The following AATF variants were observed in gnomAD, a reference collection of about 807,000 sequenced individuals.
The protein encoded by AATF is protein AATF.
In AATF, 48 loss-of-function variants were observed where a neutral mutation model predicts 63.7. The ratio of observed to expected loss-of-function variants is 0.75; its 90% CI spans 0.60 to 0.96. AATF has a LOEUF of 0.96. Ranked by LOEUF, AATF falls within the 40% of genes least tolerant of loss-of-function variation. The pLI is 0.00. For missense variants in AATF, 639 were observed against 685.7 expected, an observed-to-expected ratio of 0.93 and a Z score of 0.76; for synonymous variants, 258 against 247.7, an observed-to-expected ratio of 1.04 and a Z score of -0.39.
At chr17:37,000,150 G>C (rs1188658005) in intron 8 of AATF, 1 of 152,430 alleles carries the variant, frequency 6.6e-6, no homozygotes, top group Non-Finnish European at 1.5e-5. Context: ...CCAGTTAAAA[G>C]ACTCTAGTGA....
intron 11 of AATF, among the ~76,000 whole-genome samples, chr17:37,043,455 T>C (rs952677007): frequency 1.3e-5 from 2 of 152,300 alleles, no homozygotes; most frequent in Middle Eastern, 3.4e-3. Flanking sequence ...TGAGCTTTCT[T>C]CTTTGAACCC....
At chr17:37,030,510 T>C (rs879933016) in intron 10 of AATF, among the ~76,000 whole-genome samples, 1 of 152,214 alleles carries the variant, frequency 6.6e-6, no homozygotes, top group African/African-American at 2.4e-5. Flanking sequence ...CCCCTTTGAA[T>C]TATCTTTGGT....
At chr17:36,956,861 C>A (rs978913451) in intron 4 of AATF, among the ~76,000 whole-genome samples, 1 of 152,002 alleles carries the variant, frequency 6.6e-6, no homozygotes, top group Non-Finnish European at 1.5e-5. Context: ...CTTGTAGTCC[C>A]AGCTACTTGG....
At chr17:36,989,581 G>A (rs1029779264) in intron 7 of AATF, among the ~76,000 whole-genome samples, 170 bp downstream of exon 7, 2 of 152,152 alleles carry the variant, frequency 1.3e-5, no homozygotes, top group African/African-American at 4.8e-5. Flanking sequence ...AGAGGAGAGA[G>A]TTTTTAAAAA....
At chr17:37,026,698 A>G (rs1377240127) in intron 10 of AATF, among the ~76,000 whole-genome samples, 2 of 152,198 alleles carry the variant, frequency 1.3e-5, no homozygotes, top group Non-Finnish European at 2.9e-5. Flanking sequence ...GTTACATAGT[A>G]AGTAGCAAAC....
At chr17:37,023,965 A>G (rs1245791880) in intron 10 of AATF, among the ~76,000 whole-genome samples, 1 of 152,220 alleles carries the variant, frequency 6.6e-6, no homozygotes, top group Non-Finnish European at 1.5e-5. Context: ...TAGATTACTT[A>G]TAATACCTAG....
chr17:36,977,856 A>T (rs1174939150), intron 4 of AATF, among the ~76,000 whole-genome samples: 1 of 152,200 alleles, frequency 6.6e-6, no homozygotes, highest in Non-Finnish European at 1.5e-5. Flanking sequence ...CAGGTTGTCT[A>T]GGAACTGTGA....
intron 4 of AATF, among the ~76,000 whole-genome samples, chr17:36,973,077 G>T (rs1478237196): frequency 6.6e-6 from 1 of 152,144 alleles, no homozygotes; most frequent in Admixed American, 6.5e-5. Context: ...AAGTTTCTCA[G>T]TTGTAAGGGC....
At chr17:37,021,122 A>G in intron 10 of AATF, 108 bp downstream of exon 10, 2 of 776,862 alleles carry the variant, frequency 2.6e-6, no homozygotes, top group South Asian at 2.3e-5. Context: ...TTCTGTTTTT[A>G]AGGATCAGAA....
In AATF at chr17:37,020,835, G is replaced by GAATA. The variant is rs1391469662; in HGVS notation, c.1467-98_1467-97insATAA. The GAATA allele has an allele frequency of 1.2e-5, 11 of 953,550 alleles. 1 individual carries two copies. In the Admixed American group the frequency reaches 1.7e-4, roughly 15 times the overall value. The allele number at this position is 953,550 out of a possible 1,614,324, so 59.1% of individuals were successfully genotyped here. A position where few individuals can be genotyped will look rare whatever the true frequency, so the allele number is the denominator to read the frequency against. On this transcript the variant is annotated intron_variant, in intron 9 of 11. Transcript: ENST00000619387. ...CTTGAGGAACTTGATGTAGGTTGAT[G>GAATA]ATTTCTTTCTGCAGGGTTGTTAGAA... is the stretch of plus-strand genomic sequence containing the variant.
chr17:37,030,368 T>C (rs913720052), intron 10 of AATF, among the ~76,000 whole-genome samples: 8 of 152,218 alleles, frequency 5.3e-5, no homozygotes, highest in African/African-American at 1.9e-4. Context: ...AACTTTAAAA[T>C]ATTATGTATT....
chr17:36,953,099 A>C lies in AATF; in HGVS notation c.497A>C (p.Asp166Ala). ...DFEKFTKGMD[D>A]LGSSEEEEDE... is the part of the protein sequence containing the mutation. ...GAGAAATTTACCAAGGGAATGGATG[A>C]CCTTGGGAGCAGTGAGGAGGAGGAA... Residue 166 changes from aspartate (D) to alanine (A), a missense_variant, in exon 3 of 12, where the codon GAC becomes GCC. Asp to Ala is a moderately radical substitution (Grantham distance 126, BLOSUM62 -2). Transcript: ENST00000619387. 6.2e-7 allele frequency: 1 copy of C among 1,614,160 alleles called. No individual in the cohort carries two copies. The highest frequency in any genetic ancestry group is 8.5e-7 in the Non-Finnish European group (1 of 1,180,020).
At chr17:36,967,874 T>C (rs2071003867) in intron 4 of AATF, among the ~76,000 whole-genome samples, 1 of 151,850 alleles carries the variant, frequency 6.6e-6, no homozygotes, top group Admixed American at 6.6e-5. Context: ...TTTTTTTTTT[T>C]TTTTCTTTTT....
intron 11 of AATF, among the ~76,000 whole-genome samples, chr17:37,037,218 T>C (rs917679390): frequency 6.8e-6 from 1 of 147,248 alleles, no homozygotes; most frequent in African/African-American, 2.5e-5. Flanking sequence ...GGTTTCACCA[T>C]GTTGGCCAGG....
chr17:36,997,120 C>G (rs2071260387), intron 8 of AATF, among the ~76,000 whole-genome samples: 1 of 152,132 alleles, frequency 6.6e-6, no homozygotes. Context: ...CACAGGATCC[C>G]AGCAGTATTT....
At chr17:36,989,055 G>A (rs2071192410) in intron 6 of AATF, among the ~76,000 whole-genome samples, 192 bp from the exon 7 acceptor site, 1 of 151,864 alleles carries the variant, frequency 6.6e-6, no homozygotes, top group South Asian at 2.1e-4. Context: ...AAAATGATAT[G>A]ACCTGCTTAA....
intron 11 of AATF, among the ~76,000 whole-genome samples, chr17:37,053,933 A>T (rs72826148): frequency 0.084 from 12,756 of 152,324 alleles, 715 homozygotes; most frequent in Non-Finnish European, 0.13. Flanking sequence ...TGTAGGTTCC[A>T]TTGCAGGCAT....
intron 8 of AATF, among the ~76,000 whole-genome samples, chr17:37,005,758 G>T (rs544596269): frequency 4.6e-5 from 7 of 152,212 alleles, no homozygotes; most frequent in African/African-American, 1.7e-4. Context: ...TGACCAATGG[G>T]CAGAATTTTT....
intron 4 of AATF, among the ~76,000 whole-genome samples, chr17:36,967,615 T>C (rs151287076): frequency 7.9e-5 from 12 of 152,326 alleles, no homozygotes; most frequent in African/African-American, 2.9e-4. Flanking sequence ...GCTTCTTGCT[T>C]CTGTGGATCT....
Sources: allele counts gnomAD v4.1 joint callset (sites outside exome capture counted in the v4.1 genomes callset), GRCh38; gene constraint gnomAD v4.1.1; transcripts MANE v1.5; gene names NCBI Gene and HGNC (gene_info 2026-07-23, HGNC 2026-07-21).